The following DOCK1 variants were observed in gnomAD, a reference collection of about 807,000 sequenced individuals.
DOCK1 encodes dedicator of cytokinesis 1, also known as dedicator of cytokinesis protein 1.
A neutral mutation model predicts 262.7 loss-of-function variants in DOCK1; 138 were observed. That is an observed-to-expected ratio of 0.53 (90% CI 0.46 to 0.61). The LOEUF (loss-of-function observed/expected upper bound fraction) is 0.61, where lower values mean the gene tolerates loss of function less well. Among genes scored for constraint, DOCK1 ranks in the 20% least tolerant of loss-of-function variants. The pLI is 0.00. For synonymous variants in DOCK1, 866 were observed against 867.4 expected, an observed-to-expected ratio of 1.00 and a Z score of 0.03; for missense variants, 1,908 against 2,370.7, an observed-to-expected ratio of 0.80 and a Z score of 4.05.
At chr10:127,326,969 C>CT (rs1244292377) in intron 29 of DOCK1, among the ~76,000 whole-genome samples, 1 of 152,198 alleles carries the variant, frequency 6.6e-6, no homozygotes, top group Non-Finnish European at 1.5e-5. Context: ...CATCTTGTTT[C>CT]TGAGTATCAG....
At chr10:127,153,823 A>T (rs369222449) in intron 27 of DOCK1, 1 of 1,535,478 alleles carries the variant, frequency 6.5e-7, no homozygotes, top group African/African-American at 1.4e-5. Flanking sequence ...TCATAATAAG[A>T]AAGTGGGAAG....
At chr10:127,081,296 T>C (rs2046885639) in intron 23 of DOCK1, among the ~76,000 whole-genome samples, 2 of 152,052 alleles carry the variant, frequency 1.3e-5, no homozygotes, top group Non-Finnish European at 2.9e-5. Flanking sequence ...CTCTGTGCCA[T>C]TGAACTCCCA....
At chr10:127,172,765 C>T (rs1399074531) in intron 27 of DOCK1, among the ~76,000 whole-genome samples, 1 of 152,134 alleles carries the variant, frequency 6.6e-6, no homozygotes, top group South Asian at 2.1e-4. Flanking sequence ...TAAAGTAAAA[C>T]CATCCTTTGT....
At position 127,153,882 on chromosome 10, in the gene DOCK1, G is replaced by T. The variant is rs1226349925; in HGVS notation, c.2847+26118G>T. The T allele has an allele frequency of 3.1e-6, 5 of 1,613,850 alleles. No homozygotes were observed. In the South Asian group the frequency reaches 4.4e-5, roughly 14 times the overall value. On this transcript the variant is annotated intron_variant, in intron 27 of 51. Coordinates refer to ENST00000623213, the MANE Select transcript of DOCK1 (RefSeq NM_001290223.2). ...GATAATACATGCACTGTTCCTGCATGTGTCACAATTAGCTGTGTCTTGCCC... is the reference window on the plus strand; with the variant it reads ...GATAATACATGCACTGTTCCTGCATTTGTCACAATTAGCTGTGTCTTGCCC...
intron 46 of DOCK1, among the ~76,000 whole-genome samples, chr10:127,421,067 C>A (rs1017338867): frequency 1.3e-5 from 2 of 151,952 alleles, no homozygotes; most frequent in Non-Finnish European, 2.9e-5. Context: ...CAAGTGTGCA[C>A]CACCATGCCC....
intron 27 of DOCK1, among the ~76,000 whole-genome samples, chr10:127,128,265 T>G (rs1164690393): frequency 6.6e-6 from 1 of 152,112 alleles, no homozygotes; most frequent in African/African-American, 2.4e-5. Context: ...CAGGGTTCAC[T>G]GCTGTCCTCT....
At chr10:127,103,446 G>A (rs375993439) in intron 23 of DOCK1, among the ~76,000 whole-genome samples, 4 of 152,198 alleles carry the variant, frequency 2.6e-5, no homozygotes, top group East Asian at 1.9e-4. Context: ...GTTGAAGAGC[G>A]TGGGGTGAAG....
chr10:127,228,296 G>A (rs563222134), intron 27 of DOCK1, among the ~76,000 whole-genome samples: 1 of 152,258 alleles, frequency 6.6e-6, no homozygotes, highest in Non-Finnish European at 1.5e-5. Flanking sequence ...TTAGATGAAT[G>A]TGCTCTTGCT....
intron 25 of DOCK1, among the ~76,000 whole-genome samples, chr10:127,115,224 C>G (rs1396068305): frequency 6.6e-6 from 1 of 152,218 alleles, no homozygotes; most frequent in Non-Finnish European, 1.5e-5. Flanking sequence ...GCTGATAAGG[C>G]ATCCACCTTG....
intron 40 of DOCK1, among the ~76,000 whole-genome samples, chr10:127,405,630 G>C (rs2067476265): frequency 6.6e-6 from 1 of 152,118 alleles, no homozygotes; most frequent in Non-Finnish European, 1.5e-5. Flanking sequence ...CTCCACGGGA[G>C]TCACTAATAG....
At chr10:126,941,501 A>C (rs1046848911) in intron 1 of DOCK1, among the ~76,000 whole-genome samples, 101 of 152,356 alleles carry the variant, frequency 6.6e-4, no homozygotes, top group African/African-American at 2.3e-3. Context: ...TCATGCCTGT[A>C]ATCCCAGCAC....
chr10:127,342,901 A>C (rs1224515830), intron 30 of DOCK1, among the ~76,000 whole-genome samples: 1 of 152,166 alleles, frequency 6.6e-6, no homozygotes, highest in Admixed American at 6.5e-5. Flanking sequence ...GTCCTAAATT[A>C]TGGAAATCTA....
At chr10:127,377,773 T>TC (rs2065585689) in intron 35 of DOCK1, among the ~76,000 whole-genome samples, 2 of 151,394 alleles carry the variant, frequency 1.3e-5, no homozygotes, top group African/African-American at 4.9e-5. Flanking sequence ...GTGCCTGTAA[T>TC]CCCAGGTACT....
At chr10:127,377,357 C>T (rs12219743) in intron 35 of DOCK1, among the ~76,000 whole-genome samples, 4,499 of 151,962 alleles carry the variant, frequency 0.03, 404 homozygotes, top group East Asian at 0.29. Flanking sequence ...ATAACCATCT[C>T]TAAATGAATA....
intron 29 of DOCK1, among the ~76,000 whole-genome samples, chr10:127,278,225 C>G (rs1590240829): frequency 6.6e-6 from 1 of 152,076 alleles, no homozygotes; most frequent in Non-Finnish European, 1.5e-5. Context: ...TCCCTTGAGT[C>G]ACTGTAGTTA....
chr10:127,212,660 G>GT (rs999440781), intron 27 of DOCK1, among the ~76,000 whole-genome samples: 33 of 147,584 alleles, frequency 2.2e-4, no homozygotes, highest in Admixed American at 6.8e-4. Flanking sequence ...TAGGAGTGTT[G>GT]TTTTTTTTTT....
At position 127,100,441 on chromosome 10, in the gene DOCK1, G is replaced by C. The variant is rs902782450; in HGVS notation, c.2446-5790G>C. On this transcript the variant is annotated intron_variant, in intron 23 of 51. Transcript: ENST00000623213. The surrounding 1 kb of genome is among the most constrained non-coding windows in gnomAD (Gnocchi z 5.5). The stretch of plus-strand genomic sequence containing the variant: ...GCACTGGAATCCCTAGGGAAGGCGA[G>C]GCAGCGGTGGCTTCCACCAAGGCAG... 6.6e-6 allele frequency among the ~76,000 whole-genome samples: 1 copy of C among 152,204 alleles called. No homozygotes were observed. The highest frequency in any genetic ancestry group is 1.5e-5 in the Non-Finnish European group (1 of 68,028).
intron 23 of DOCK1, among the ~76,000 whole-genome samples, chr10:127,096,014 A>G (rs1243872563): frequency 6.6e-6 from 1 of 152,230 alleles, no homozygotes; most frequent in East Asian, 1.9e-4. Context: ...TGCTATCTGA[A>G]AAACCAGAAT....
At chr10:127,056,423 T>C (rs1418324643) in intron 22 of DOCK1, among the ~76,000 whole-genome samples, 1 of 152,178 alleles carries the variant, frequency 6.6e-6, no homozygotes, top group Admixed American at 6.5e-5. Context: ...CTCAAACTCC[T>C]GGCCTGAAGC....
Sources: allele counts gnomAD v4.1 joint callset (sites outside exome capture counted in the v4.1 genomes callset), GRCh38; gene constraint gnomAD v4.1.1; non-coding constraint Gnocchi (gnomAD v3.1); transcripts MANE v1.5; gene names NCBI Gene and HGNC (gene_info 2026-07-23, HGNC 2026-07-21).